MAST4: variants seen among roughly 807,000 people sequenced by gnomAD.
The protein encoded by MAST4 is microtubule-associated serine/threonine-protein kinase 4.
MAST4 carries 89 observed loss-of-function variants against 162.7 expected under a neutral mutation model. The ratio of observed to expected loss-of-function variants is 0.55; its 90% CI spans 0.46 to 0.65. The LOEUF is 0.65. MAST4 is among the 30% of genes least tolerant of loss of function. The pLI, the probability that MAST4 is intolerant of heterozygous loss-of-function variation, is 0.00. For synonymous variants in MAST4, 1,479 were observed against 1,361.1 expected, an observed-to-expected ratio of 1.09 and a Z score of -1.91; for missense variants, 3,153 against 3,374.0, an observed-to-expected ratio of 0.93 and a Z score of 1.62.
At chr5:67,119,746 T>C (rs1332612437) in intron 13 of MAST4, among the ~76,000 whole-genome samples, 1 of 152,092 alleles carries the variant, frequency 6.6e-6, no homozygotes, top group African/African-American at 2.4e-5. Flanking sequence ...GTATATAAGG[T>C]CTGATATCTT....
At chr5:66,757,818 A>C (rs1753633829) in intron 1 of MAST4, among the ~76,000 whole-genome samples, 1 of 152,182 alleles carries the variant, frequency 6.6e-6, no homozygotes, top group South Asian at 2.1e-4. Flanking sequence ...TAATTTAAAA[A>C]TTGGCAGAAA....
At chr5:67,049,043 GTGTATATATATATATACGTATA>G (rs1757803163) in intron 4 of MAST4, among the ~76,000 whole-genome samples, 2 of 54,106 alleles carry the variant, frequency 3.7e-5, no homozygotes, top group Non-Finnish European at 3.6e-5. Context: ...ATATATATAC[GTGTATATATATATATACGTATA>G]TATATATATA....
intron 4 of MAST4, among the ~76,000 whole-genome samples, chr5:67,044,994 A>G (rs1429230672): frequency 6.6e-6 from 1 of 152,144 alleles, no homozygotes; most frequent in Non-Finnish European, 1.5e-5. Context: ...AGCTATGTAC[A>G]TTGCCTTGAT....
rs1186334483 is a variant in MAST4, at chr5:66,648,081, T to TGA, written c.363+51064_363+51065insAG. On this transcript the variant is annotated intron_variant, in intron 1 of 28. Transcript: ENST00000403625. ...GTGTGTGTGTGTGTGTGTGTGTGTG[T>TGA]GTGAGAGAGAGAGAGAGAGAGAGAT... Among the ~76,000 whole-genome samples the TGA allele has an allele frequency of 8.0e-4, 82 of 102,454 alleles. No homozygotes were observed. The East Asian group carries it at 0.011, about 13-fold the overall frequency. The allele number at this position is 102,454 out of a possible 152,430, so 67.2% of individuals were successfully genotyped here.
chr5:66,932,555 A>G (rs751481271), intron 4 of MAST4, among the ~76,000 whole-genome samples: 3 of 152,198 alleles, frequency 2.0e-5, no homozygotes, highest in Non-Finnish European at 2.9e-5. Flanking sequence ...GCTTTGAATT[A>G]AATTCCTTGC....
intron 4 of MAST4, among the ~76,000 whole-genome samples, chr5:67,021,368 A>G (rs774328331): frequency 2.6e-5 from 4 of 152,210 alleles, no homozygotes; most frequent in African/African-American, 9.6e-5. Context: ...ACGTATCCCA[A>G]TTTAGCTTAG....
chr5:67,165,808 G>A lies in MAST4; in HGVS notation c.6629G>A (p.Arg2210Gln), dbSNP rs763252356. ...PGPPKTKHPD[R>Q]SLSSQKPSVG... ...CCTCCAAAGACTAAGCACCCCGACCGGTCCCTCTCCTCTCAGAAACCAAGT... is the reference window on the plus strand; with the variant it reads ...CCTCCAAAGACTAAGCACCCCGACCAGTCCCTCTCCTCTCAGAAACCAAGT... The change falls in exon 29 of 29, where the codon CGG becomes CAG. Residue 2210 changes from arginine (R) to glutamine (Q), a missense_variant. This residue lies in a region of MAST4 where 1,644 missense variants were observed against 1,495.0 expected (regional missense o/e 1.10). Coordinates refer to ENST00000403625, the MANE Select transcript of MAST4 (RefSeq NM_001164664.2). The A allele has an allele frequency of 1.9e-6, 3 of 1,612,018 alleles. No homozygotes were observed. The highest frequency in any genetic ancestry group is 2.7e-5 in the African/African-American group (2 of 75,008).
intron 14 of MAST4, among the ~76,000 whole-genome samples, chr5:67,129,344 G>A (rs1228303135): frequency 6.6e-6 from 1 of 152,166 alleles, no homozygotes; most frequent in Non-Finnish European, 1.5e-5. Context: ...TTCTTTGGAA[G>A]TAAATGTCTC....
intron 4 of MAST4, among the ~76,000 whole-genome samples, chr5:66,939,588 A>G (rs913985075): frequency 1.3e-5 from 2 of 152,124 alleles, no homozygotes; most frequent in Non-Finnish European, 2.9e-5. Context: ...ATTTGTATCA[A>G]TTTGTAATTG....
At chr5:67,009,456 A>G (rs1196143885) in intron 4 of MAST4, among the ~76,000 whole-genome samples, 1 of 152,134 alleles carries the variant, frequency 6.6e-6, no homozygotes, top group African/African-American at 2.4e-5. Context: ...GTCGTTCTGA[A>G]GCCCATTTAC....
At chr5:66,718,804 C>T (rs905155730) in intron 1 of MAST4, among the ~76,000 whole-genome samples, 4 of 152,160 alleles carry the variant, frequency 2.6e-5, no homozygotes, top group Admixed American at 2.0e-4. Flanking sequence ...CTCTTGTTCC[C>T]TCTCGAGCTA....
At chr5:66,910,081 T>TA (rs1435088577) in intron 4 of MAST4, among the ~76,000 whole-genome samples, 1 of 152,168 alleles carries the variant, frequency 6.6e-6, no homozygotes, top group Non-Finnish European at 1.5e-5. Context: ...TTTTGTTTTA[T>TA]AAAAAAATGT....
chr5:66,644,297 G>A (rs970753006), intron 1 of MAST4, among the ~76,000 whole-genome samples: 3 of 152,056 alleles, frequency 2.0e-5, no homozygotes, highest in African/African-American at 7.2e-5. Context: ...TATATTCAAG[G>A]GATATTTAGG....
At chr5:67,078,355 T>C (rs958693823) in intron 5 of MAST4, among the ~76,000 whole-genome samples, 10 of 136,586 alleles carry the variant, frequency 7.3e-5, no homozygotes, top group African/African-American at 2.7e-4. Flanking sequence ...AAAGTAACAA[T>C]AAAAGACTAA....
chr5:67,061,742 G>A (rs146750589), intron 5 of MAST4, among the ~76,000 whole-genome samples: 11 of 150,414 alleles, frequency 7.3e-5, no homozygotes, highest in Admixed American at 1.3e-4. Flanking sequence ...CACCAGTGAC[G>A]CATTTCTTTA....
intron 3 of MAST4, among the ~76,000 whole-genome samples, chr5:66,819,356 A>G (rs1471362503): frequency 6.6e-6 from 1 of 152,208 alleles, no homozygotes; most frequent in Non-Finnish European, 1.5e-5. Context: ...GTGCTTGGCT[A>G]TGTGTGTGTA....
chr5:66,676,797 T>C (rs972718602), intron 1 of MAST4, among the ~76,000 whole-genome samples: 2 of 152,230 alleles, frequency 1.3e-5, no homozygotes, highest in African/African-American at 4.8e-5. Flanking sequence ...ATTGCCTGAC[T>C]GATCAAGGAA....
At chr5:66,725,959 C>G (rs978021241) in intron 1 of MAST4, among the ~76,000 whole-genome samples, 1 of 152,008 alleles carries the variant, frequency 6.6e-6, no homozygotes, top group Non-Finnish European at 1.5e-5. Context: ...AATAATTTAG[C>G]TGGCATTCCT....
chr5:66,624,785 C>T (rs549013884), intron 1 of MAST4, among the ~76,000 whole-genome samples: 11 of 152,198 alleles, frequency 7.2e-5, no homozygotes, highest in Admixed American at 2.0e-4. Context: ...AAGTGTGTAA[C>T]GGGGAAAGGA....
Sources: gnomAD v4.1 joint callset for allele counts (sites outside exome capture counted in the v4.1 genomes callset) on GRCh38, gnomAD v4.1.1 for gene constraint, gnomAD v4.1.1 regional missense constraint, MANE v1.5 for transcripts, NCBI Gene and HGNC (gene_info 2026-07-23, HGNC 2026-07-21) for gene names.